DMTF1: variants seen among roughly 807,000 people sequenced by gnomAD.
DMTF1 encodes cyclin-D-binding Myb-like transcription factor 1.
DMTF1 carries 39 observed loss-of-function variants against 91.1 expected under a neutral mutation model. The observed-to-expected ratio is 0.43, with a 90% CI of 0.33 to 0.56. The LOEUF (loss-of-function observed/expected upper bound fraction) is 0.56. DMTF1 is among the 20% of genes least tolerant of loss of function. The pLI is 0.05. For synonymous variants in DMTF1, 338 were observed against 309.5 expected, an observed-to-expected ratio of 1.09 and a Z score of -0.97; for missense variants, 750 against 914.5, an observed-to-expected ratio of 0.82 and a Z score of 2.32.
intron 1 of DMTF1, among the ~76,000 whole-genome samples, chr7:87,157,152 C>T (rs1032299848): frequency 1.3e-5 from 2 of 152,088 alleles, no homozygotes; most frequent in Admixed American, 1.3e-4. Context: ...TCCTTACTGC[C>T]TTATTAGTTG....
intron 2 of DMTF1, among the ~76,000 whole-genome samples, chr7:87,164,055 A>G (rs1174135757): frequency 8.5e-4 from 2 of 2,342 alleles, no homozygotes; most frequent in African/African-American, 9.3e-3. Flanking sequence ...CGCCTTCTCT[A>G]AAAAAAAAAA....
chr7:87,184,464 A>G lies in DMTF1; in HGVS notation c.888A>G (p.Pro296=). 6.2e-7 allele frequency: 1 copy of G among 1,614,042 alleles called. No individual in the cohort carries two copies. The change falls in exon 11 of 18, where the codon CCA becomes CCG. Residue 296 remains proline (P), a synonymous_variant. Coordinates refer to ENST00000331242, the MANE Select transcript of DMTF1 (RefSeq NM_001142327.2). ...TTCATGAGTTGACAAGCACTGAGCC[A>G]GGTGACATAGTCACACAGGGTGTGT... ...EVVHELTSTE[P]GDIVTQGVSW...
intron 13 of DMTF1, 129 bp from the exon 14 acceptor site, chr7:87,190,816 T>A (rs892739803): frequency 7.6e-6 from 5 of 656,088 alleles, no homozygotes; most frequent in Non-Finnish European, 1.2e-5. Context: ...GTAAATGACT[T>A]CAGGTCTCCA....
chr7:87,187,752 T>G (rs570260899), intron 12 of DMTF1: 1 of 274,170 alleles, frequency 3.6e-6, no homozygotes, highest in African/African-American at 2.3e-5. Flanking sequence ...ATAAGCTGTT[T>G]AGCATTGCCA....
intron 11 of DMTF1, 114 bp from the exon 12 acceptor site, chr7:87,185,715 A>G: frequency 8.4e-7 from 1 of 1,194,446 alleles, no homozygotes; most frequent in Non-Finnish European, 1.2e-6. Flanking sequence ...ATAGCATCTC[A>G]TTGGCATAAC....
chr7:87,176,821 G>A (rs865846929), intron 7 of DMTF1, among the ~76,000 whole-genome samples: 3 of 152,232 alleles, frequency 2.0e-5, no homozygotes, highest in African/African-American at 7.2e-5. Flanking sequence ...TAAGACTTCT[G>A]TAGAGCTAGT....
intron 7 of DMTF1, among the ~76,000 whole-genome samples, chr7:87,177,024 T>G (rs1385344998): frequency 6.6e-6 from 1 of 152,168 alleles, no homozygotes; most frequent in Non-Finnish European, 1.5e-5. Flanking sequence ...TATTTAGGTT[T>G]AATCATTGGC....
At position 87,173,113 on chromosome 7, in the gene DMTF1, C is replaced by G. The variant is rs140629573; in HGVS notation, c.328-422C>G. Among the ~76,000 whole-genome samples, 4 of 152,272 alleles carry G rather than the reference C, an allele frequency of 2.6e-5. No individual in the cohort carries two copies. In the East Asian group the frequency reaches 7.7e-4, roughly 29 times the overall value. The stretch of plus-strand genomic sequence containing the variant: ...GGCATTAACAAATCATAACACCCAA[C>G]CCTAGGACTTCCATTTTCCTATCTA... On this transcript the variant is annotated intron_variant, in intron 5 of 17. Transcript: ENST00000331242.
At chr7:87,171,120 G>A (rs772578350) in intron 5 of DMTF1, 31 bp downstream of exon 5, 2 of 1,434,848 alleles carry the variant, frequency 1.4e-6, no homozygotes, top group Non-Finnish European at 1.9e-6. Context: ...GGCCTCAGGA[G>A]GATGATCCTT....
At chr7:87,169,758 G>A (rs1794666157) in intron 4 of DMTF1, among the ~76,000 whole-genome samples, 1 of 152,164 alleles carries the variant, frequency 6.6e-6, no homozygotes, top group African/African-American at 2.4e-5. Flanking sequence ...CACTTGGCCT[G>A]TAGAAAACAT....
chr7:87,175,117 C>G (rs1795993708), intron 7 of DMTF1, among the ~76,000 whole-genome samples: 1 of 151,142 alleles, frequency 6.6e-6, no homozygotes. Flanking sequence ...CTCTTGGGCT[C>G]CAGCTATATT....
chr7:87,194,489 C>A, intron 16 of DMTF1, 195 bp from the exon 17 acceptor site: 1 of 525,538 alleles, frequency 1.9e-6, no homozygotes, highest in Non-Finnish European at 3.3e-6. Context: ...TGACCTAGTC[C>A]TTATGAGTTC....
At chr7:87,169,525 G>A (rs901377151) in intron 4 of DMTF1, among the ~76,000 whole-genome samples, 3 of 152,134 alleles carry the variant, frequency 2.0e-5, no homozygotes, top group African/African-American at 7.2e-5. Flanking sequence ...TGCCTTTAGA[G>A]CAGAATACCT....
In DMTF1 at chr7:87,165,045, A is replaced by G; in HGVS notation, c.104A>G (p.Gln35Arg). ...GGGAATCTCATTCTTCACTGCCCTC[A>G]GAATGGTAGGAGAACTTGCTGACAT... ...TEGNLILHCPQNEADEIDSED... is the reference protein window; with the variant it reads ...TEGNLILHCPRNEADEIDSED... The change falls in exon 3 of 18, where the codon CAG becomes CGG. Residue 35 changes from glutamine to arginine, a missense_variant. Physicochemically the swap from Gln to Arg is conservative, Grantham distance 43. Around this residue, in one of 3 missense-constraint regions of DMTF1, gnomAD observed 150 missense variants for 150.4 expected, o/e 1.00. Coordinates refer to ENST00000331242, the MANE Select transcript of DMTF1 (RefSeq NM_001142327.2). The G allele has an allele frequency of 6.2e-7, 1 of 1,602,024 alleles. No homozygotes were observed. The highest frequency in any genetic ancestry group is 8.5e-7 in the Non-Finnish European group (1 of 1,171,510).
intron 9 of DMTF1, chr7:87,181,964 A>T: frequency 7.2e-7 from 1 of 1,388,216 alleles, no homozygotes; most frequent in Non-Finnish European, 9.6e-7. Context: ...CCTGAGGGGA[A>T]ATTGGTCTTT....
intron 12 of DMTF1, chr7:87,186,696 A>T (rs141983774): frequency 6.8e-4 from 103 of 152,402 alleles, no homozygotes; most frequent in African/African-American, 2.4e-3. Flanking sequence ...GTACAGTAAC[A>T]TGCTGTAAGG....
rs527359199 is a variant in DMTF1 at position 87,176,038 on chromosome 7, T to TG, written c.519+1373dup. Among the ~76,000 whole-genome samples, 114 of 152,302 alleles carry TG rather than the reference T, an allele frequency of 7.5e-4. 1 individual carries two copies. The highest frequency in any genetic ancestry group is 1.2e-3 in the Admixed American group (19 of 15,292). On this transcript the variant is annotated intron_variant, in intron 7 of 17. Coordinates refer to ENST00000331242, the MANE Select transcript of DMTF1 (RefSeq NM_001142327.2). Reference sequence around the variant, plus strand: ...TAAAATGTAGATCATTAGCATCATTTGGGGAAGGATGGTGTACGGTGTTTA... The same window carrying TG: ...TAAAATGTAGATCATTAGCATCATTTGGGGGAAGGATGGTGTACGGTGTTTA...
At chr7:87,192,825 C>A (rs763674698) in intron 14 of DMTF1, 1 of 169,894 alleles carries the variant, frequency 5.9e-6, no homozygotes, top group Admixed American at 5.8e-5. Context: ...AAAAAGTGTT[C>A]AAGTAAACAC....
At chr7:87,187,797 C>A in intron 12 of DMTF1, 1 of 386,378 alleles carries the variant, frequency 2.6e-6, no homozygotes, top group Non-Finnish European at 4.7e-6. Context: ...ATCAAGACAC[C>A]CTAGAATAGA....
Sources: allele counts gnomAD v4.1 joint callset (sites outside exome capture counted in the v4.1 genomes callset), GRCh38; gene constraint gnomAD v4.1.1; regional missense constraint gnomAD v4.1.1; transcripts MANE v1.5; gene names NCBI Gene and HGNC (gene_info 2026-07-23, HGNC 2026-07-21).